Variants in SGCZ observed in about 807,000 individuals in gnomAD.
The protein encoded by SGCZ is zeta-sarcoglycan.
In SGCZ, 40 loss-of-function variants were observed where a neutral mutation model predicts 41.3. The observed-to-expected ratio is 0.97, with a 90% CI of 0.75 to 1.26. The LOEUF (loss-of-function observed/expected upper bound fraction) is 1.26. Among genes scored for constraint, SGCZ ranks in the 50% most tolerant of loss-of-function variants. The probability of loss-of-function intolerance (pLI) is 0.00; values close to 1 mark genes in which losing one functional copy is unlikely to be tolerated. For missense variants in SGCZ, 552 were observed against 369.8 expected (o/e 1.49, Z -4.04); for synonymous variants, 206 against 137.5 (o/e 1.50, Z -3.49).
At chr8:14,367,852 T>C (rs906365939) in intron 2 of SGCZ, among the ~76,000 whole-genome samples, 1 of 152,074 alleles carries the variant, frequency 6.6e-6, no homozygotes, top group Admixed American at 6.6e-5. Context: ...GCATGCTTAT[T>C]ATTTTTTGGG....
intron 5 of SGCZ, among the ~76,000 whole-genome samples, chr8:14,112,105 A>C (rs1802388855): frequency 6.6e-6 from 1 of 152,174 alleles, no homozygotes; most frequent in Non-Finnish European, 1.5e-5. Context: ...GAAGCACCAG[A>C]GAGAAAGCAA....
chr8:14,282,366 AT>A (rs1473616543), intron 3 of SGCZ, among the ~76,000 whole-genome samples: 1 of 140,272 alleles, frequency 7.1e-6, no homozygotes, highest in Non-Finnish European at 1.6e-5. Context: ...CAAAAAAAAA[AT>A]CTTATCACCA....
In SGCZ at chr8:14,812,728, C is replaced by T. The variant is rs149497114; in HGVS notation, c.40-257802G>A. The stretch of plus-strand genomic sequence containing the variant: ...GAGACAATCAGACGGTTTAAATGAC[C>T]ATTCTTCATTCCTGTCTTCTAGAAG... On this transcript the variant is annotated intron_variant, in intron 1 of 7. Coordinates refer to ENST00000382080, the MANE Select transcript of SGCZ (RefSeq NM_139167.4). 1.1e-3 allele frequency among the ~76,000 whole-genome samples: 165 copies of T among 152,192 alleles called. 1 individual carries two copies. Among genetic ancestry groups the T allele is most frequent in the Admixed American group, 2.6e-3 (40 of 15,270 alleles).
At chr8:14,244,542 G>C (rs1297379754) in intron 3 of SGCZ, among the ~76,000 whole-genome samples, 1 of 151,988 alleles carries the variant, frequency 6.6e-6, no homozygotes, top group African/African-American at 2.4e-5. Flanking sequence ...CTCCAGCTTT[G>C]TTCTTTTGGC....
intron 2 of SGCZ, among the ~76,000 whole-genome samples, chr8:14,506,161 C>T (rs73190247): frequency 1.3e-5 from 2 of 151,824 alleles, no homozygotes; most frequent in Non-Finnish European, 2.9e-5. Context: ...CATGATGAAA[C>T]CCTGTGTCTA....
At chr8:14,336,803 T>C (rs1303360414) in intron 2 of SGCZ, among the ~76,000 whole-genome samples, 1 of 152,182 alleles carries the variant, frequency 6.6e-6, no homozygotes, top group Non-Finnish European at 1.5e-5. Context: ...ATCTCTCAAC[T>C]GGAACTGTTT....
At chr8:14,953,684 G>A (rs183000058) in intron 1 of SGCZ, among the ~76,000 whole-genome samples, 1 of 152,028 alleles carries the variant, frequency 6.6e-6, no homozygotes, top group Admixed American at 6.6e-5. Flanking sequence ...TACTATACTG[G>A]GACTCAATTT....
chr8:14,500,552 A>G (rs1320735682), intron 2 of SGCZ, among the ~76,000 whole-genome samples: 1 of 152,050 alleles, frequency 6.6e-6, no homozygotes, highest in African/African-American at 2.4e-5. Flanking sequence ...ACAGCAAAAA[A>G]AGTCAACCGT....
At chr8:14,977,124 TAC>T (rs1265883251) in intron 1 of SGCZ, among the ~76,000 whole-genome samples, 1 of 152,182 alleles carries the variant, frequency 6.6e-6, no homozygotes, top group East Asian at 1.9e-4. Context: ...CACCAAAGGA[TAC>T]AGTTTCCCTG....
chr8:14,737,109 C>T (rs541243206), intron 1 of SGCZ, among the ~76,000 whole-genome samples: 2 of 137,078 alleles, frequency 1.5e-5, no homozygotes, highest in African/African-American at 2.9e-5. Flanking sequence ...ATACCAGATA[C>T]ATAAGATTTA....
intron 2 of SGCZ, among the ~76,000 whole-genome samples, chr8:14,540,170 T>C (rs1475019793): frequency 6.6e-6 from 1 of 151,266 alleles, no homozygotes; most frequent in Non-Finnish European, 1.5e-5. Context: ...CGTTCAAAGA[T>C]TGGTGCTATA....
intron 1 of SGCZ, among the ~76,000 whole-genome samples, chr8:15,187,489 T>A (rs935833664): frequency 6.6e-6 from 1 of 152,042 alleles, no homozygotes; most frequent in Non-Finnish European, 1.5e-5. Context: ...TGATGTGATT[T>A]TAGGATATCT....
At chr8:14,450,019 T>C (rs77145416) in intron 2 of SGCZ, among the ~76,000 whole-genome samples, 6,207 of 152,196 alleles carry the variant, frequency 0.041, 398 homozygotes, top group African/African-American at 0.14. Context: ...GATCCAGAAC[T>C]CTTTTACAGA....
intron 5 of SGCZ, among the ~76,000 whole-genome samples, chr8:14,133,741 C>T (rs559726489): frequency 6.6e-6 from 1 of 152,144 alleles, no homozygotes; most frequent in South Asian, 2.1e-4. Context: ...TTACTTTTGA[C>T]AGTTTCTGCT....
chr8:15,143,589 A>C lies in SGCZ; in HGVS notation c.39+93996T>G, dbSNP rs115044767. On this transcript the variant is annotated intron_variant, in intron 1 of 7. Transcript: ENST00000382080. ...TACTTCTTTCTGAAAACCATGGCTT[A>C]CAAAAACACATGGGTTTAACCCATC... is the stretch of plus-strand genomic sequence containing the variant. Among the ~76,000 whole-genome samples the C allele has an allele frequency of 4.3e-3, 659 of 152,332 alleles. 7 individuals are homozygous for C. Among genetic ancestry groups the C allele is most frequent in the African/African-American group, 0.015 (622 of 41,586 alleles).
At chr8:15,129,213 G>A (rs142746103) in intron 1 of SGCZ, among the ~76,000 whole-genome samples, 80 of 152,236 alleles carry the variant, frequency 5.3e-4, no homozygotes, top group Non-Finnish European at 9.7e-4. Flanking sequence ...ATTGCCGGGA[G>A]TAGTTTTTGT....
intron 1 of SGCZ, among the ~76,000 whole-genome samples, chr8:15,069,352 A>T (rs1805269740): frequency 6.6e-6 from 1 of 152,142 alleles, no homozygotes; most frequent in Non-Finnish European, 1.5e-5. Context: ...AAGTTTTGAA[A>T]GTGTATTGGT....
At chr8:14,904,013 T>C (rs941679857) in intron 1 of SGCZ, among the ~76,000 whole-genome samples, 2 of 152,018 alleles carry the variant, frequency 1.3e-5, no homozygotes, top group African/African-American at 2.4e-5. Context: ...TTAGATGAGC[T>C]ACAAAAAAAT....
At chr8:14,166,805 G>C (rs1804225578) in intron 4 of SGCZ, among the ~76,000 whole-genome samples, 1 of 152,130 alleles carries the variant, frequency 6.6e-6, no homozygotes, top group South Asian at 2.1e-4. Flanking sequence ...GTGGAGAGGT[G>C]TCTGGATATG....
Sources: gnomAD v4.1 joint callset for allele counts (sites outside exome capture counted in the v4.1 genomes callset) on GRCh38, gnomAD v4.1.1 for gene constraint, MANE v1.5 for transcripts, NCBI Gene and HGNC (gene_info 2026-07-23, HGNC 2026-07-21) for gene names.